Variants in TMEM132C observed in about 807,000 individuals in gnomAD.
TMEM132C encodes the protein transmembrane protein 132C.
Under a neutral mutation model 61.4 loss-of-function variants are expected in TMEM132C, and 29 were observed. The observed-to-expected ratio is 0.47, with a 90% CI of 0.35 to 0.64. TMEM132C has a LOEUF of 0.64. Ranked by LOEUF, TMEM132C falls within the 30% of genes least tolerant of loss-of-function variation. TMEM132C has a pLI of 0.00. For synonymous variants in TMEM132C, 656 were observed against 633.1 expected (o/e 1.04, Z -0.54); for missense variants, 1,408 against 1,476.9 (o/e 0.95, Z 0.76).
At chr12:128,443,535 G>T (rs12303834) in intron 2 of TMEM132C, among the ~76,000 whole-genome samples, 19,919 of 152,138 alleles carry the variant, frequency 0.13, 1,838 homozygotes, top group African/African-American at 0.26. Flanking sequence ...TTTATAATAT[G>T]TTTTGAAAAA....
chr12:128,602,243 G>C (rs1366919715), intron 3 of TMEM132C, among the ~76,000 whole-genome samples: 2 of 152,196 alleles, frequency 1.3e-5, no homozygotes, highest in East Asian at 1.9e-4. Flanking sequence ...ATCCACTTCA[G>C]CTTACCAACG....
At chr12:128,516,649 C>T (rs1490604497) in intron 2 of TMEM132C, among the ~76,000 whole-genome samples, 17 of 152,034 alleles carry the variant, frequency 1.1e-4, no homozygotes, top group South Asian at 1.0e-3. Flanking sequence ...TGGTGGCTCA[C>T]ACCTATAATC....
In TMEM132C at chr12:128,498,704, G is replaced by A. The variant is rs550080279; in HGVS notation, c.975-45253G>A. Among the ~76,000 whole-genome samples the A allele has an allele frequency of 1.4e-4, 22 of 152,040 alleles. No individual in the cohort carries two copies. The South Asian group carries it at 4.6e-3, about 32-fold the overall frequency. On this transcript the variant is annotated intron_variant, in intron 2 of 8. Coordinates refer to ENST00000435159, the MANE Select transcript of TMEM132C (RefSeq NM_001136103.3). ...AAAAAAAGAATCTGCAAAGAAACAA[G>A]CATTGCATTTCTATACAGAGTAATG...
At chr12:128,613,099 T>C (rs1876687731) in intron 3 of TMEM132C, among the ~76,000 whole-genome samples, 1 of 152,206 alleles carries the variant, frequency 6.6e-6, no homozygotes, top group Admixed American at 6.5e-5. Context: ...TGTGCCAGTA[T>C]AGGCATCCGT....
intron 1 of TMEM132C, among the ~76,000 whole-genome samples, chr12:128,372,576 GAA>G (rs1357505105): frequency 6.6e-6 from 1 of 152,150 alleles, no homozygotes. Context: ...ATAAGCATTT[GAA>G]TGCTTATTAA....
Position 128,278,917 on chromosome 12 carries a change from A to G in TMEM132C, c.85+11430A>G, listed in dbSNP as rs1261243086. ...GACCACCCCTAGAAGACAAGAAGGA[A>G]TTCTGCCAGTCGACAGCATTTGGAC... is the stretch of plus-strand genomic sequence containing the variant. On this transcript the variant is annotated intron_variant, in intron 1 of 8. Transcript: ENST00000435159. This position sits in a 1 kb window ranked among gnomAD's most constrained non-coding sequence, Gnocchi z 4.2. Among the ~76,000 whole-genome samples, 1 of 152,064 alleles carries G rather than the reference A, an allele frequency of 6.6e-6. No individual in the cohort carries two copies. The highest frequency in any genetic ancestry group is 2.4e-5 in the African/African-American group (1 of 41,386).
chr12:128,629,462 A>G (rs1954047614), intron 4 of TMEM132C, among the ~76,000 whole-genome samples: 1 of 152,028 alleles, frequency 6.6e-6, no homozygotes, highest in African/African-American at 2.4e-5. Context: ...TGGGAGTGAG[A>G]TCCTGTCTCA....
rs555307953 is a variant in TMEM132C at position 128,531,522 on chromosome 12, C to T, written c.975-12435C>T. ...CAGGCAGGGAAGAGAGCTGGGTTTC[C>T]GTGGCTTCACACATACACACATGCA... On this transcript the variant is annotated intron_variant, in intron 2 of 8. Coordinates refer to ENST00000435159, the MANE Select transcript of TMEM132C (RefSeq NM_001136103.3). Among the ~76,000 whole-genome samples the T allele has an allele frequency of 6.0e-4, 92 of 152,336 alleles. 2 individuals carry two copies. In the South Asian group the frequency reaches 0.018, roughly 30 times the overall value.
intron 1 of TMEM132C, among the ~76,000 whole-genome samples, chr12:128,351,542 C>T (rs2135963014): frequency 6.6e-6 from 1 of 152,148 alleles, no homozygotes; most frequent in East Asian, 1.9e-4. Flanking sequence ...CTATTTGGTT[C>T]ATGGATCTGC....
intron 3 of TMEM132C, among the ~76,000 whole-genome samples, chr12:128,597,913 C>T (rs1876029968): frequency 6.6e-6 from 1 of 152,118 alleles, no homozygotes; most frequent in African/African-American, 2.4e-5. Flanking sequence ...TGTGGTGTGT[C>T]TGTGGAGCAG....
intron 2 of TMEM132C, among the ~76,000 whole-genome samples, chr12:128,430,148 G>A (rs557308871): frequency 1.4e-4 from 22 of 152,262 alleles, no homozygotes; most frequent in African/African-American, 4.3e-4. Context: ...CCTGCAGTGG[G>A]CATTTAACCA....
At chr12:128,432,939 A>G (rs968674479) in intron 2 of TMEM132C, among the ~76,000 whole-genome samples, 3 of 152,064 alleles carry the variant, frequency 2.0e-5, no homozygotes, top group Non-Finnish European at 4.4e-5. Flanking sequence ...CCCAGCCTTC[A>G]GCAACCACCA....
intron 5 of TMEM132C, among the ~76,000 whole-genome samples, chr12:128,683,676 AGT>A (rs1157833750): frequency 6.6e-6 from 1 of 152,228 alleles, no homozygotes; most frequent in Non-Finnish European, 1.5e-5. Context: ...ACACTTAATA[AGT>A]GTTGGTCGCC....
intron 3 of TMEM132C, among the ~76,000 whole-genome samples, chr12:128,591,519 C>T (rs931394544): frequency 6.6e-6 from 1 of 152,178 alleles, no homozygotes; most frequent in Non-Finnish European, 1.5e-5. Flanking sequence ...TGGGTTTCTC[C>T]TCCTGGGCTT....
chr12:128,502,518 T>G (rs1872217531), intron 2 of TMEM132C, among the ~76,000 whole-genome samples: 1 of 152,186 alleles, frequency 6.6e-6, no homozygotes, highest in Non-Finnish European at 1.5e-5. Flanking sequence ...GATCATCACC[T>G]TTTTCACCCT....
intron 2 of TMEM132C, among the ~76,000 whole-genome samples, chr12:128,502,704 C>T (rs1872224305): frequency 6.6e-6 from 1 of 152,186 alleles, no homozygotes; most frequent in Non-Finnish European, 1.5e-5. Flanking sequence ...TTGTCTTGAC[C>T]TAGCCAAGGC....
intron 1 of TMEM132C, among the ~76,000 whole-genome samples, chr12:128,372,809 T>C (rs191644600): frequency 7.8e-4 from 119 of 152,152 alleles, no homozygotes; most frequent in African/African-American, 2.8e-3. Flanking sequence ...GGCTTTATCG[T>C]AACCAGAGTG....
At chr12:128,694,068 AAAC>A (rs762510099) in intron 6 of TMEM132C, 34 bp downstream of exon 6, 69 of 1,545,498 alleles carry the variant, frequency 4.5e-5, no homozygotes, top group Non-Finnish European at 6.0e-5. Flanking sequence ...CCTAGAGCCA[AAAC>A]AACAACTTTA....
At chr12:128,599,939 G>C (rs573150162) in intron 3 of TMEM132C, among the ~76,000 whole-genome samples, 3 of 152,116 alleles carry the variant, frequency 2.0e-5, no homozygotes, top group Admixed American at 2.0e-4. Context: ...TCTCGTGACA[G>C]GGAGTGAGTT....
Sources: allele counts gnomAD v4.1 joint callset (sites outside exome capture counted in the v4.1 genomes callset), GRCh38; gene constraint gnomAD v4.1.1; non-coding constraint Gnocchi (gnomAD v3.1); transcripts MANE v1.5; gene names NCBI Gene and HGNC (gene_info 2026-07-23, HGNC 2026-07-21).